Variants in KLHL11 observed in about 807,000 individuals in gnomAD.
The protein encoded by KLHL11 is kelch-like protein 11.
Under a neutral mutation model 56.1 loss-of-function variants are expected in KLHL11, and 26 were observed. That is an observed-to-expected ratio of 0.46 (90% CI 0.34 to 0.64). The LOEUF (loss-of-function observed/expected upper bound fraction) is 0.64. Among genes scored for constraint, KLHL11 ranks in the 30% least tolerant of loss-of-function variants. KLHL11 has a pLI of 0.01. For synonymous variants in KLHL11, 338 were observed against 345.8 expected (o/e 0.98, Z 0.25); for missense variants, 627 against 919.4 (o/e 0.68, Z 4.11).
At chr17:41,864,690 G>T in intron 1 of KLHL11, 136 bp downstream of exon 1, 1 of 947,318 alleles carries the variant, frequency 1.1e-6, no homozygotes, top group Non-Finnish European at 1.4e-6. Flanking sequence ...CCAAGCAGGC[G>T]CTCAGCGAGT....
rs879979942 is a variant in KLHL11, at chr17:41,857,071, C to A, written c.546-1750G>T. On this transcript the variant is annotated intron_variant, in intron 1 of 1. Coordinates refer to ENST00000319121, the MANE Select transcript of KLHL11 (RefSeq NM_018143.3). ...TAGAGCTGGGCAGGGAGATGCATGCCTGTAGTCTCAACTACTCAGGGGGCT... is the reference window on the plus strand; with the variant it reads ...TAGAGCTGGGCAGGGAGATGCATGCATGTAGTCTCAACTACTCAGGGGGCT... Among the ~76,000 whole-genome samples, 4 of 152,048 alleles carry A rather than the reference C, an allele frequency of 2.6e-5. 1 individual carries two copies. The South Asian group carries it at 8.3e-4, about 32-fold the overall frequency.
intron 1 of KLHL11, among the ~76,000 whole-genome samples, chr17:41,857,651 A>G (rs2048374514): frequency 6.6e-6 from 1 of 152,006 alleles, no homozygotes. Flanking sequence ...CACAAAATAG[A>G]GTTTTTATTT....
chr17:41,860,201 G>T (rs1447740341), intron 1 of KLHL11, among the ~76,000 whole-genome samples: 1 of 152,100 alleles, frequency 6.6e-6, no homozygotes, highest in Admixed American at 6.6e-5. Flanking sequence ...TGGGCTCCTA[G>T]TTTTAGCAGG....
rs1191796951 is a variant in KLHL11 at position 41,851,775 on chromosome 17, G to C, written c.*1965C>G. Among the ~76,000 whole-genome samples the C allele has an allele frequency of 1.3e-5, 2 of 151,758 alleles. No homozygotes were observed. Among genetic ancestry groups the C allele is most frequent in the Non-Finnish European group, 2.9e-5 (2 of 67,968 alleles). On this transcript the variant is annotated 3_prime_UTR_variant, in exon 2 of 2. Coordinates refer to ENST00000319121, the MANE Select transcript of KLHL11 (RefSeq NM_018143.3). Reference sequence around the variant, plus strand: ...ACAAAAAAAAAATTAGCTGGGCGTGGTGGCGCGTGCCCATAGTCCCAGCTA... The same window carrying C: ...ACAAAAAAAAAATTAGCTGGGCGTGCTGGCGCGTGCCCATAGTCCCAGCTA...
Position 41,854,128 on chromosome 17 carries a change from AT to A in KLHL11, c.1738del (p.Ile580LeufsTer18), listed in dbSNP as rs1423788336. ...GATCTCATCAGACACTTGGCTGGCAATTTTTCTTACTGCCTCTTCGTTTTCT... is the reference window on the plus strand; with the variant it reads ...GATCTCATCAGACACTTGGCTGGCAATTTTCTTACTGCCTCTTCGTTTTCT... ...CLENEEAVRKIASQVSDEILE... is the reference protein window; with the variant it reads ...CLENEEAVRKXASQVSDEILE... On this transcript the variant is annotated frameshift_variant, in exon 2 of 2. Coordinates refer to ENST00000319121, the MANE Select transcript of KLHL11 (RefSeq NM_018143.3). LOFTEE classifies it high-confidence loss of function. The surrounding 1 kb of genome is among the most constrained non-coding windows in gnomAD (Gnocchi z 4.9). The A allele has an allele frequency of 2.5e-6, 4 of 1,613,914 alleles. No individual in the cohort carries two copies. The highest frequency in any genetic ancestry group is 1.3e-5 in the African/African-American group (1 of 74,880).
At chr17:41,860,020 G>A (rs999044062) in intron 1 of KLHL11, among the ~76,000 whole-genome samples, 1 of 152,150 alleles carries the variant, frequency 6.6e-6, no homozygotes, top group Non-Finnish European at 1.5e-5. Context: ...TAGTGACTGT[G>A]CTTAGTAACT....
intron 1 of KLHL11, among the ~76,000 whole-genome samples, chr17:41,857,635 T>C (rs1282942616): frequency 6.6e-6 from 1 of 152,040 alleles, no homozygotes; most frequent in Non-Finnish European, 1.5e-5. Flanking sequence ...TATACATATA[T>C]AAAAACACAA....
Position 41,851,106 on chromosome 17 carries a change from A to G in KLHL11, c.*2634T>C, listed in dbSNP as rs1322171219. ...TATGACAAAATGTCTAAGAAGGTAA[A>G]GACAGTTCTTAAGAAACAGGATAAA... On this transcript the variant is annotated 3_prime_UTR_variant, in exon 2 of 2. Coordinates refer to ENST00000319121, the MANE Select transcript of KLHL11 (RefSeq NM_018143.3). 1.3e-5 allele frequency: 2 copies of G among 152,194 alleles called. No homozygotes were observed. The highest frequency in any genetic ancestry group is 2.9e-5 in the Non-Finnish European group (2 of 68,030). The allele number at this position is 152,194 out of a possible 1,614,324, so 9.4% of individuals were successfully genotyped here.
chr17:41,852,778 C>CAAAAAAAA lies in KLHL11; in HGVS notation c.*954_*961dup, dbSNP rs1189323899. 3.8e-4 allele frequency among the ~76,000 whole-genome samples: 19 copies of CAAAAAAAA among 49,680 alleles called. No homozygotes were observed. The highest frequency in any genetic ancestry group is 4.1e-4 in the Non-Finnish European group (9 of 21,994). 32.6% of individuals were successfully genotyped at this position (49,680 alleles called of 152,430 possible). ...TGCACTCCAGCCTGGGCAACATGAG[C>CAAAAAAAA]AAAAAAAAAAAAAAAAAGAGAAAAG... On this transcript the variant is annotated 3_prime_UTR_variant, in exon 2 of 2. Transcript: ENST00000319121.
intron 1 of KLHL11, among the ~76,000 whole-genome samples, chr17:41,864,328 T>TC (rs749629454): frequency 1.3e-5 from 2 of 152,206 alleles, no homozygotes; most frequent in Non-Finnish European, 2.9e-5. Context: ...CGCATCCTTC[T>TC]CCCCTTCATC....
At position 41,852,778 on chromosome 17, in the gene KLHL11, CAA is replaced by C. The variant is rs1189323899; in HGVS notation, c.*960_*961del. Among the ~76,000 whole-genome samples the C allele has an allele frequency of 9.5e-4, 47 of 49,658 alleles. No individual in the cohort carries two copies. Among genetic ancestry groups the C allele is most frequent in the Admixed American group, 2.1e-3 (10 of 4,808 alleles). The allele number at this position is 49,658 out of a possible 152,430, so 32.6% of individuals were successfully genotyped here. A position where few individuals can be genotyped will look rare whatever the true frequency, so the allele number is the denominator to read the frequency against. The stretch of plus-strand genomic sequence containing the variant: ...TGCACTCCAGCCTGGGCAACATGAG[CAA>C]AAAAAAAAAAAAAAAGAGAAAAGGA... On this transcript the variant is annotated 3_prime_UTR_variant, in exon 2 of 2. Transcript: ENST00000319121.
intron 1 of KLHL11, among the ~76,000 whole-genome samples, chr17:41,862,753 C>G (rs782232402): frequency 6.6e-6 from 1 of 152,096 alleles, no homozygotes; most frequent in African/African-American, 2.4e-5. Context: ...ACTCTCTCCC[C>G]GCTGCCCCTT....
chr17:41,853,150 T>C lies in KLHL11; in HGVS notation c.*590A>G, dbSNP rs566903851. On this transcript the variant is annotated 3_prime_UTR_variant, in exon 2 of 2. Coordinates refer to ENST00000319121, the MANE Select transcript of KLHL11 (RefSeq NM_018143.3). ...AAAAAATGCATGAGCCAGTAAAAAA[T>C]TTCTCATCAGTCACATCTTCTAGGA... Among the ~76,000 whole-genome samples the C allele has an allele frequency of 7.9e-5, 12 of 152,260 alleles. No homozygotes were observed. The highest frequency in any genetic ancestry group is 2.2e-4 in the African/African-American group (9 of 41,532).
intron 1 of KLHL11, among the ~76,000 whole-genome samples, chr17:41,858,380 C>T (rs1393528319): frequency 6.8e-5 from 10 of 147,050 alleles, no homozygotes; most frequent in Non-Finnish European, 1.5e-4. Flanking sequence ...GAACATGCCA[C>T]CAAACCCAGA....
intron 1 of KLHL11, among the ~76,000 whole-genome samples, chr17:41,858,227 T>C (rs1201910306): frequency 6.8e-6 from 1 of 145,998 alleles, no homozygotes; most frequent in East Asian, 2.0e-4. Flanking sequence ...TCTTTTTTTT[T>C]TTTTTTTTTT....
At position 41,852,037 on chromosome 17, in the gene KLHL11, T is replaced by C. The variant is rs2048334952; in HGVS notation, c.*1703A>G. On this transcript the variant is annotated 3_prime_UTR_variant, in exon 2 of 2. Transcript: ENST00000319121. ...CTTCAGTGATCTTTTTAATTTTTAT[T>C]TGAGACACCGTCTCTCTGTCACCCA... Among the ~76,000 whole-genome samples the C allele has an allele frequency of 6.6e-6, 1 of 152,214 alleles. No individual in the cohort carries two copies. Among genetic ancestry groups the C allele is most frequent in the Non-Finnish European group, 1.5e-5 (1 of 68,026 alleles).
chr17:41,856,102 T>C (rs1442230284), intron 1 of KLHL11, among the ~76,000 whole-genome samples: 1 of 151,610 alleles, frequency 6.6e-6, no homozygotes, highest in Non-Finnish European at 1.5e-5. Context: ...GCAATTCTCC[T>C]TCCTCAGCCT....
At position 41,854,306 on chromosome 17, in the gene KLHL11, T is replaced by G; in HGVS notation, c.1561A>C (p.Lys521Gln). Residue 521 changes from lysine (K) to glutamine (Q), a missense_variant, in exon 2 of 2, where the codon AAG (lysine) becomes CAG (glutamine). Transcript: ENST00000319121. The surrounding 1 kb of genome is among the most constrained non-coding windows in gnomAD (Gnocchi z 4.9). The part of the protein sequence containing the change: ...PVDRDTEDGL[K>Q]AVITCYDTET... ...GTATCATAGCAAGTAATTACAGCCT[T>G]TAATCCATCTTCAGTGTCCCGGTCT... is the stretch of plus-strand genomic sequence containing the variant. 6.2e-7 allele frequency: 1 copy of G among 1,614,188 alleles called. No homozygotes were observed. The highest frequency in any genetic ancestry group is 8.5e-7 in the Non-Finnish European group (1 of 1,180,030).
rs1189981103 is a variant in KLHL11 at position 41,853,793 on chromosome 17, G to T, written c.2074C>A (p.His692Asn). The change falls in exon 2 of 2, where the codon CAT (histidine) becomes AAT (asparagine). Residue 692 changes from histidine (H) to asparagine (N), a missense_variant. Transcript: ENST00000319121. The stretch of plus-strand genomic sequence containing the variant: ...CGCCTCATGTTCAGGGCGTGACGAT[G>T]TATCTCTTGCATCTGTCTGATGCGG... ...KDRIRQMQEI[H>N]RHALNMRRVP... 5 of 1,614,084 alleles carry T rather than the reference G, an allele frequency of 3.1e-6. No homozygotes were observed. The African/African-American group carries it at 4.0e-5, about 13-fold the overall frequency.
Sources: allele counts gnomAD v4.1 joint callset (sites outside exome capture counted in the v4.1 genomes callset), GRCh38; gene constraint gnomAD v4.1.1; non-coding constraint Gnocchi (gnomAD v3.1); transcripts MANE v1.5; gene names NCBI Gene and HGNC (gene_info 2026-07-23, HGNC 2026-07-21).